The following NCEH1 variants were observed in gnomAD, a reference collection of about 807,000 sequenced individuals.
NCEH1 encodes the protein 2-acetyl MAGE hydrolase.
Under a neutral mutation model 25.4 loss-of-function variants are expected in NCEH1, and 9 were observed. The observed-to-expected ratio is 0.35, with a 90% CI of 0.21 to 0.62. The LOEUF (loss-of-function observed/expected upper bound fraction) is 0.62, where lower values mean the gene tolerates loss of function less well. Among genes scored for constraint, NCEH1 ranks in the 20% least tolerant of loss-of-function variants. The probability of loss-of-function intolerance (pLI) is 0.72; values close to 1 mark genes in which losing one functional copy is unlikely to be tolerated. For missense variants in NCEH1, 412 were observed against 501.1 expected (o/e 0.82, Z 1.70); for synonymous variants, 200 against 199.8 (o/e 1.00, Z -0.01).
chr3:172,710,082 G>C (rs905546875), intron 1 of NCEH1, among the ~76,000 whole-genome samples: 2 of 152,220 alleles, frequency 1.3e-5, no homozygotes, highest in Admixed American at 6.5e-5. Context: ...ATACAGTGGA[G>C]AGAAATGTTA....
intron 2 of NCEH1, 58 bp downstream of exon 2, chr3:172,647,828 C>T (rs138751184): frequency 7.3e-5 from 117 of 1,599,604 alleles, no homozygotes; most frequent in Non-Finnish European, 8.9e-5. Flanking sequence ...AACTCAGTTA[C>T]GCATCTCCCC....
intron 1 of NCEH1, among the ~76,000 whole-genome samples, chr3:172,670,368 G>A (rs867621225): frequency 3.3e-5 from 5 of 152,212 alleles, no homozygotes; most frequent in Admixed American, 2.6e-4. Flanking sequence ...TTACTACAGC[G>A]TTTATACTTT....
chr3:172,677,573 G>C (rs1159260928), intron 1 of NCEH1, among the ~76,000 whole-genome samples: 2 of 152,064 alleles, frequency 1.3e-5, no homozygotes, highest in East Asian at 3.9e-4. Context: ...ATGCTCATTT[G>C]GGGCTTAGAG....
At chr3:172,676,180 CAG>C (rs542572647) in intron 1 of NCEH1, among the ~76,000 whole-genome samples, 3 of 152,072 alleles carry the variant, frequency 2.0e-5, no homozygotes, top group Non-Finnish European at 2.9e-5. Flanking sequence ...TTTTTTTAGG[CAG>C]AGAGAGAGGC....
intron 1 of NCEH1, among the ~76,000 whole-genome samples, chr3:172,702,348 T>G (rs946501067): frequency 1.3e-5 from 2 of 152,210 alleles, no homozygotes; most frequent in Non-Finnish European, 2.9e-5. Flanking sequence ...CCTTGACATC[T>G]CAGATTAGAT....
Position 172,635,917 on chromosome 3 carries a change from T to C in NCEH1, c.608A>G (p.Gln203Arg). The C allele has an allele frequency of 6.2e-7, 1 of 1,614,134 alleles. No homozygotes were observed. Among genetic ancestry groups the C allele is most frequent in the Non-Finnish European group, 8.5e-7 (1 of 1,179,966 alleles). ...GGNLAAALGQ[Q>R]FTQDASLKNK... ...AGCACCTTAGGACAGTGGTGTTACCTGTTGTCCAAGGGCAGCAGCCAGATT... is the reference window on the plus strand; with the variant it reads ...AGCACCTTAGGACAGTGGTGTTACCCGTTGTCCAAGGGCAGCAGCCAGATT... The change falls in exon 4 of 5, where the codon CAG (glutamine) becomes CGG (arginine). Residue 203 changes from glutamine to arginine, a missense_variant and splice_region_variant. Physicochemically the swap from Gln to Arg is conservative, Grantham distance 43. Transcript: ENST00000475381.
intron 1 of NCEH1, among the ~76,000 whole-genome samples, chr3:172,682,814 T>C (rs970944258): frequency 6.6e-6 from 1 of 152,198 alleles, no homozygotes; most frequent in African/African-American, 2.4e-5. Context: ...ATGCAGCAAA[T>C]TCTCTAAAGC....
chr3:172,653,748 TTTTG>T lies in NCEH1; in HGVS notation c.139-5638_139-5635del, dbSNP rs1560186455. Among the ~76,000 whole-genome samples the T allele has an allele frequency of 9.3e-4, 72 of 77,170 alleles. 5 individuals carry two copies. The highest frequency in any genetic ancestry group is 3.8e-3 in the African/African-American group (66 of 17,334). The allele number at this position is 77,170 out of a possible 152,430, so 50.6% of individuals were successfully genotyped here. On this transcript the variant is annotated intron_variant, in intron 1 of 4. Coordinates refer to ENST00000475381, the MANE Select transcript of NCEH1 (RefSeq NM_020792.6). ...TGTTGTTGTTCTGTTTTTTTTGTTT[TTTTG>T]TTTTTTTGTTTTTTTTTTTTTTTGA...
At chr3:172,660,721 G>A (rs1560189969) in intron 1 of NCEH1, among the ~76,000 whole-genome samples, 1 of 152,166 alleles carries the variant, frequency 6.6e-6, no homozygotes, top group African/African-American at 2.4e-5. Flanking sequence ...TTTCTCTGAT[G>A]GCCAGTGATG....
At chr3:172,634,444 G>A (rs1165844834) in intron 4 of NCEH1, among the ~76,000 whole-genome samples, 1 of 152,080 alleles carries the variant, frequency 6.6e-6, no homozygotes, top group African/African-American at 2.4e-5. Context: ...CCCCCAAAAA[G>A]GTCATGGCTT....
intron 3 of NCEH1, among the ~76,000 whole-genome samples, chr3:172,643,816 C>T (rs1301450978): frequency 1.4e-4 from 22 of 152,294 alleles, no homozygotes; most frequent in Admixed American, 2.6e-4. Context: ...GGAGCTGGGG[C>T]TACACAAGAA....
Position 172,671,506 on chromosome 3 carries a change from T to TACACACAC in NCEH1, c.139-23400_139-23393dup, listed in dbSNP as rs537504265. ...AACCGCTGCTACACACACATACACA[T>TACACACAC]ACACACACACACACACACACACATA... is the stretch of plus-strand genomic sequence containing the variant. On this transcript the variant is annotated intron_variant, in intron 1 of 4. Transcript: ENST00000475381. 3.2e-3 allele frequency among the ~76,000 whole-genome samples: 455 copies of TACACACAC among 143,240 alleles called. 3 individuals carry two copies. Among genetic ancestry groups the TACACACAC allele is most frequent in the South Asian group, 0.013 (59 of 4,644 alleles). 94.0% of individuals were successfully genotyped at this position (143,240 alleles called of 152,430 possible).
chr3:172,706,265 A>G (rs1335204946), intron 1 of NCEH1, among the ~76,000 whole-genome samples: 1 of 152,170 alleles, frequency 6.6e-6, no homozygotes, highest in African/African-American at 2.4e-5. Flanking sequence ...TTTATGGCCC[A>G]GAAGAAAAAA....
At chr3:172,706,427 AT>A (rs924047098) in intron 1 of NCEH1, among the ~76,000 whole-genome samples, 1 of 150,868 alleles carries the variant, frequency 6.6e-6, no homozygotes, top group Non-Finnish European at 1.5e-5. Flanking sequence ...TACAACCTAA[AT>A]TTTTTTAACT....
intron 1 of NCEH1, among the ~76,000 whole-genome samples, chr3:172,685,577 G>T (rs926347130): frequency 1.3e-5 from 2 of 152,166 alleles, no homozygotes; most frequent in African/African-American, 2.4e-5. Flanking sequence ...AGGGCAGCAG[G>T]TTTCTACTTC....
rs528190485 is a variant in NCEH1, at chr3:172,653,820, G to A, written c.139-5706C>T. 6.2e-3 allele frequency among the ~76,000 whole-genome samples: 907 copies of A among 146,712 alleles called. 18 individuals carry two copies. The highest frequency in any genetic ancestry group is 0.022 in the African/African-American group (871 of 38,942). On this transcript the variant is annotated intron_variant, in intron 1 of 4. Transcript: ENST00000475381. ...TTGCCAGGCTGGAGTGCAATGGCGCGATCTTGGCTCACTGCAACCTCCGAC... is the reference window on the plus strand; with the variant it reads ...TTGCCAGGCTGGAGTGCAATGGCGCAATCTTGGCTCACTGCAACCTCCGAC...
At chr3:172,710,710 G>A (rs1714250518) in intron 1 of NCEH1, 137 bp downstream of exon 1, 2 of 903,766 alleles carry the variant, frequency 2.2e-6, no homozygotes, top group Non-Finnish European at 3.4e-6. Context: ...TTCCCGACTG[G>A]ACCACCTCAA....
intron 1 of NCEH1, among the ~76,000 whole-genome samples, chr3:172,706,997 C>A (rs1462855083): frequency 6.6e-6 from 1 of 151,836 alleles, no homozygotes; most frequent in Non-Finnish European, 1.5e-5. Context: ...TGCCTATATC[C>A]ATCATTACTT....
chr3:172,634,449 T>C (rs1391059431), intron 4 of NCEH1, among the ~76,000 whole-genome samples: 2 of 152,124 alleles, frequency 1.3e-5, no homozygotes, highest in Non-Finnish European at 2.9e-5. Context: ...AAAAAGGTCA[T>C]GGCTTCCTAG....
Sources: gnomAD v4.1 joint callset for allele counts (sites outside exome capture counted in the v4.1 genomes callset) on GRCh38, gnomAD v4.1.1 for gene constraint, MANE v1.5 for transcripts, NCBI Gene and HGNC (gene_info 2026-07-23, HGNC 2026-07-21) for gene names.